The following PTCHD4 variants were observed in gnomAD, a reference collection of about 807,000 sequenced individuals.
The protein encoded by PTCHD4 is patched domain containing 4.
Under a neutral mutation model 58.1 loss-of-function variants are expected in PTCHD4, and 33 were observed. That is an observed-to-expected ratio of 0.57 (90% CI 0.43 to 0.76). The LOEUF (loss-of-function observed/expected upper bound fraction) is 0.76. Ranked by LOEUF, PTCHD4 falls within the 30% of genes least tolerant of loss-of-function variation. The pLI is 0.00. For synonymous variants in PTCHD4, 478 were observed against 409.6 expected, an observed-to-expected ratio of 1.17 and a Z score of -2.02; for missense variants, 1,058 against 1,027.1, an observed-to-expected ratio of 1.03 and a Z score of -0.41.
In PTCHD4 at chr6:47,920,028, G is replaced by A. The variant is rs150544000; in HGVS notation, c.899-40092C>T. 3.3e-4 allele frequency among the ~76,000 whole-genome samples: 50 copies of A among 152,086 alleles called. No homozygotes were observed. In the East Asian group the frequency reaches 8.6e-3, roughly 26 times the overall value. ...GTGGTGTCACTGCTTGAAGGAACCCGGTCCCTGAATGACTGTATGGAGCAG... is the reference window on the plus strand; with the variant it reads ...GTGGTGTCACTGCTTGAAGGAACCCAGTCCCTGAATGACTGTATGGAGCAG... On this transcript the variant is annotated intron_variant, in intron 4 of 4. Coordinates refer to ENST00000339488, the MANE Select transcript of PTCHD4 (RefSeq NM_001384253.1).
intron 4 of PTCHD4, among the ~76,000 whole-genome samples, chr6:47,936,644 T>C (rs1766008600): frequency 6.6e-6 from 1 of 152,208 alleles, no homozygotes; most frequent in Admixed American, 6.5e-5. Context: ...CATTTGTCCC[T>C]TTACTTAGTC....
chr6:47,903,580 G>C (rs1764783103), intron 4 of PTCHD4, among the ~76,000 whole-genome samples: 1 of 152,252 alleles, frequency 6.6e-6, no homozygotes, highest in South Asian at 2.1e-4. Flanking sequence ...CTCCGAAGGT[G>C]CTGGGATTAC....
intron 4 of PTCHD4, among the ~76,000 whole-genome samples, chr6:47,991,067 G>C (rs1017503207): frequency 2.0e-5 from 3 of 152,064 alleles, no homozygotes; most frequent in Admixed American, 6.5e-5. Flanking sequence ...GAGGACAAGA[G>C]GGAAGGGAAA....
chr6:47,902,946 C>G (rs1450938807), intron 4 of PTCHD4, among the ~76,000 whole-genome samples: 1 of 152,174 alleles, frequency 6.6e-6, no homozygotes, highest in African/African-American at 2.4e-5. Flanking sequence ...GAGTGAAGGT[C>G]TGGTTAGCAC....
intron 4 of PTCHD4, among the ~76,000 whole-genome samples, chr6:47,934,008 T>C (rs1003210726): frequency 6.6e-6 from 1 of 152,210 alleles, no homozygotes; most frequent in Non-Finnish European, 1.5e-5. Flanking sequence ...CAGGGTAATC[T>C]GTTCACAGTT....
At position 47,875,271 on chromosome 6, in the gene PTCHD4, C is replaced by G. The variant is rs1039478632; in HGVS notation, c.*3032G>C. 6.6e-6 allele frequency among the ~76,000 whole-genome samples: 1 copy of G among 151,680 alleles called. No homozygotes were observed. Among genetic ancestry groups the G allele is most frequent in the Non-Finnish European group, 1.5e-5 (1 of 67,810 alleles). ...TCATAAATGAACAAAACAATGAGTG[C>G]AAACTGGAAAAACTAGGGAGAGGTG... On this transcript the variant is annotated 3_prime_UTR_variant, in exon 5 of 5. Coordinates refer to ENST00000339488, the MANE Select transcript of PTCHD4 (RefSeq NM_001384253.1).
intron 4 of PTCHD4, chr6:47,890,896 A>T: frequency 1.1e-5 from 11 of 984,788 alleles, no homozygotes; most frequent in Non-Finnish European, 1.2e-5. Context: ...TGTACCTTCC[A>T]TGCTTTTCAA....
intron 4 of PTCHD4, among the ~76,000 whole-genome samples, chr6:47,975,793 G>A (rs180828042): frequency 3.7e-4 from 56 of 152,262 alleles, no homozygotes; most frequent in African/African-American, 1.3e-3. Flanking sequence ...CTTGCCCTTG[G>A]AAAGTGCATA....
intron 1 of PTCHD4, among the ~76,000 whole-genome samples, chr6:48,105,928 T>C (rs1317567603): frequency 1.3e-5 from 2 of 152,058 alleles, no homozygotes; most frequent in South Asian, 2.1e-4. Flanking sequence ...AAGAGACCAA[T>C]AGCAAGCTCT....
rs537787119 is a variant in PTCHD4 at position 48,069,944 on chromosome 6, C to T, written c.-969-18G>A. On this transcript the variant is annotated intron_variant, in intron 1 of 4. Transcript: ENST00000339488. ...AGTTTTGCCTGAAAAAAAAGAGAGT[C>T]GGGTGGGTAGAGGGAAACCTATTGG... Among the ~76,000 whole-genome samples the T allele has an allele frequency of 6.6e-6, 1 of 151,960 alleles. No homozygotes were observed. The highest frequency in any genetic ancestry group is 1.9e-4 in the East Asian group (1 of 5,146).
In PTCHD4 at chr6:47,871,910, G is replaced by A. The variant is rs1328978; in HGVS notation, c.*6393C>T. Among the ~76,000 whole-genome samples the A allele has an allele frequency of 0.95, 144,587 of 151,708 alleles. 68,962 individuals are homozygous for A. The highest frequency in any genetic ancestry group is 1 in the East Asian group (5,121 of 5,124). On this transcript the variant is annotated 3_prime_UTR_variant, in exon 5 of 5. Transcript: ENST00000339488. Reference sequence around the variant, plus strand: ...TTTGCATTGACTAGTTTAAGGTCTAGTTTATCAGTTTGTAGCACATTTATG... The same window carrying A: ...TTTGCATTGACTAGTTTAAGGTCTAATTTATCAGTTTGTAGCACATTTATG...
chr6:47,905,043 TCACACACACACA>T lies in PTCHD4; in HGVS notation c.899-25119_899-25108del, dbSNP rs70999653. Among the ~76,000 whole-genome samples, 186 of 131,672 alleles carry T rather than the reference TCACACACACACA, an allele frequency of 1.4e-3. 1 individual carries two copies. The highest frequency in any genetic ancestry group is 4.4e-3 in the African/African-American group (156 of 35,648). The allele number at this position is 131,672 out of a possible 152,430, so 86.4% of individuals were successfully genotyped here. ...AAGAACTAGGAAGAAAATACAGCCA[TCACACACACACA>T]CACACACACACACACACACACACAC... On this transcript the variant is annotated intron_variant, in intron 4 of 4. Coordinates refer to ENST00000339488, the MANE Select transcript of PTCHD4 (RefSeq NM_001384253.1).
At chr6:48,029,494 T>C (rs1053592523) in intron 3 of PTCHD4, among the ~76,000 whole-genome samples, 2 of 152,110 alleles carry the variant, frequency 1.3e-5, no homozygotes, top group African/African-American at 4.8e-5. Flanking sequence ...TTTTAATTCC[T>C]ATGGCTTTTC....
chr6:47,933,825 T>C (rs1234107136), intron 4 of PTCHD4, among the ~76,000 whole-genome samples: 1 of 152,198 alleles, frequency 6.6e-6, no homozygotes, highest in Admixed American at 6.5e-5. Context: ...ATAACTGAAT[T>C]TACCTGATTA....
In PTCHD4 at chr6:47,858,158, G is replaced by A. The variant is rs1393702976; in HGVS notation, c.*20145C>T. Among the ~76,000 whole-genome samples, 1 of 151,906 alleles carries A rather than the reference G, an allele frequency of 6.6e-6. No individual in the cohort carries two copies. Among genetic ancestry groups the A allele is most frequent in the Non-Finnish European group, 1.5e-5 (1 of 67,940 alleles). ...GTTAGAAATTATATAGCAAGTGAGA[G>A]CTCTGAATGAATACTCCAGCAATTA... On this transcript the variant is annotated 3_prime_UTR_variant, in exon 5 of 5. Transcript: ENST00000339488.
At chr6:47,958,461 C>G (rs367944637) in intron 4 of PTCHD4, among the ~76,000 whole-genome samples, 1 of 152,132 alleles carries the variant, frequency 6.6e-6, no homozygotes, top group South Asian at 2.1e-4. Flanking sequence ...GAACGGGAAA[C>G]AAATGACGTG....
intron 4 of PTCHD4, among the ~76,000 whole-genome samples, chr6:47,911,334 C>T (rs558187778): frequency 4.0e-4 from 61 of 152,250 alleles, no homozygotes; most frequent in African/African-American, 1.4e-3. Flanking sequence ...CCACTCCCCA[C>T]CCAAGGGCAG....
intron 1 of PTCHD4, among the ~76,000 whole-genome samples, chr6:48,086,655 C>G (rs1765271332): frequency 6.6e-6 from 1 of 151,990 alleles, no homozygotes; most frequent in African/African-American, 2.4e-5. Flanking sequence ...GAGTAGGAGA[C>G]AGTAGAATGA....
At chr6:48,001,515 T>A (rs1325764752) in intron 4 of PTCHD4, among the ~76,000 whole-genome samples, 1 of 152,204 alleles carries the variant, frequency 6.6e-6, no homozygotes, top group Non-Finnish European at 1.5e-5. Context: ...GGGAAAGGAT[T>A]CCCTATTTAA....
Sources: allele counts gnomAD v4.1 joint callset (sites outside exome capture counted in the v4.1 genomes callset), GRCh38; gene constraint gnomAD v4.1.1; transcripts MANE v1.5; gene names NCBI Gene and HGNC (gene_info 2026-07-23, HGNC 2026-07-21).